RGS6: variants seen among roughly 807,000 people sequenced by gnomAD.
RGS6 encodes regulator of G protein signaling 6.
In RGS6, 30 loss-of-function variants were observed where a neutral mutation model predicts 78.5. The observed-to-expected ratio is 0.38, with a 90% CI of 0.29 to 0.52. The LOEUF (loss-of-function observed/expected upper bound fraction) is 0.52, where lower values mean the gene tolerates loss of function less well. Among genes scored for constraint, RGS6 ranks in the 20% least tolerant of loss-of-function variants. The probability of loss-of-function intolerance (pLI) is 0.85; values close to 1 mark genes in which losing one functional copy is unlikely to be tolerated. For synonymous variants in RGS6, 206 were observed against 206.0 expected (o/e 1.00, Z 0.00); for missense variants, 495 against 609.7 (o/e 0.81, Z 1.98).
At chr14:72,275,513 T>G (rs2060536575) in intron 2 of RGS6, among the ~76,000 whole-genome samples, 1 of 152,214 alleles carries the variant, frequency 6.6e-6, no homozygotes, top group African/African-American at 2.4e-5. Context: ...ATTCAAAAGC[T>G]TACAACCTGG....
At chr14:72,264,911 C>G (rs1356815116) in intron 2 of RGS6, among the ~76,000 whole-genome samples, 3 of 152,154 alleles carry the variant, frequency 2.0e-5, no homozygotes, top group Non-Finnish European at 4.4e-5. Flanking sequence ...AGGAACCTCT[C>G]GGTACCACGT....
chr14:72,594,640 T>C, the RGS6 span: 1 of 152,342 alleles, frequency 6.6e-6, no homozygotes, highest in East Asian at 1.9e-4. Flanking sequence ...CATCTTTCAC[T>C]GGCTGTGCGA....
intron 2 of RGS6, among the ~76,000 whole-genome samples, chr14:72,130,730 A>G (rs771619678): frequency 1.3e-5 from 2 of 152,236 alleles, no homozygotes; most frequent in Non-Finnish European, 2.9e-5. Flanking sequence ...GAAATTTTAC[A>G]AAGGACTGTT....
the RGS6 span, among the ~76,000 whole-genome samples, chr14:71,867,644 C>T: frequency 6.6e-6 from 1 of 152,232 alleles, no homozygotes; most frequent in East Asian, 1.9e-4. Context: ...ATTTCAACTG[C>T]TGGTTGGGGC....
At chr14:72,183,474 G>A (rs983244338) in intron 2 of RGS6, among the ~76,000 whole-genome samples, 37 of 152,144 alleles carry the variant, frequency 2.4e-4, no homozygotes, top group African/African-American at 8.4e-4. Flanking sequence ...ATAATTGCAG[G>A]TAGAGTTTTA....
intron 2 of RGS6, among the ~76,000 whole-genome samples, chr14:72,198,543 A>G (rs1385669350): frequency 6.6e-6 from 1 of 152,202 alleles, no homozygotes. Context: ...TTAGAGTAAG[A>G]CACTGTATTT....
intron 2 of RGS6, among the ~76,000 whole-genome samples, chr14:72,092,347 T>C (rs1021150643): frequency 6.6e-6 from 1 of 152,142 alleles, no homozygotes; most frequent in East Asian, 1.9e-4. Flanking sequence ...GGATGTTTTG[T>C]CATTTATTTA....
chr14:72,201,035 T>C (rs989594070), intron 2 of RGS6, among the ~76,000 whole-genome samples: 1 of 151,528 alleles, frequency 6.6e-6, no homozygotes, highest in African/African-American at 2.4e-5. Context: ...ACAGCCTTCT[T>C]AGCCAGCCTG....
At position 72,451,877 on chromosome 14, in the gene RGS6, C is replaced by A. The variant is rs556837821; in HGVS notation, c.185-2651C>A. Among the ~76,000 whole-genome samples, 4 of 152,218 alleles carry A rather than the reference C, an allele frequency of 2.6e-5. No homozygotes were observed. In the East Asian group the frequency reaches 7.7e-4, roughly 29 times the overall value. On this transcript the variant is annotated intron_variant, in intron 3 of 17. Transcript: ENST00000553525. ...AAGCAATTCCCCTGCCTGAGCCTCC[C>A]GAGTAGCTGGGACTCAGGCATGTGG...
intron 2 of RGS6, among the ~76,000 whole-genome samples, chr14:72,198,411 T>C (rs960443357): frequency 1.3e-5 from 2 of 152,216 alleles, no homozygotes; most frequent in African/African-American, 4.8e-5. Flanking sequence ...TAAGCAGACA[T>C]TCAAATAAAT....
chr14:72,498,066 C>T (rs80187671), intron 13 of RGS6, among the ~76,000 whole-genome samples: 2,137 of 152,172 alleles, frequency 0.014, 49 homozygotes, highest in African/African-American at 0.049. Context: ...TGATTTTATA[C>T]TTTAGAGAGT....
In RGS6 at chr14:72,021,216, T is replaced by C. The variant is rs568265183; in HGVS notation, c.84+56341T>C. 9.5e-4 allele frequency among the ~76,000 whole-genome samples: 144 copies of C among 152,290 alleles called. 1 individual carries two copies. The highest frequency in any genetic ancestry group is 1.7e-3 in the Admixed American group (26 of 15,306). On this transcript the variant is annotated intron_variant, in intron 2 of 17. Coordinates refer to ENST00000553525, the MANE Select transcript of RGS6 (RefSeq NM_001204424.2). Reference sequence around the variant, plus strand: ...AAATAGAAGTGACAGCAAAATCTTCTTTCCCACAGCCGTTGTGGATAGGAA... The same window carrying C: ...AAATAGAAGTGACAGCAAAATCTTCCTTCCCACAGCCGTTGTGGATAGGAA...
In RGS6 at chr14:72,562,697, CCT is replaced by C. The variant is rs1385133856; in HGVS notation, c.*235_*236del. 5 of 1,536,054 alleles carry C rather than the reference CCT, an allele frequency of 3.3e-6. No homozygotes were observed. The African/African-American group carries it at 6.8e-5, about 21-fold the overall frequency. Reference sequence around the variant, plus strand: ...CCCGGTGGAGGCTCCTGTTTACAGCCCTCTCTTCTTTGTACAGTTGTATTCCA... The same window carrying C: ...CCCGGTGGAGGCTCCTGTTTACAGCCCTCTTCTTTGTACAGTTGTATTCCA... On this transcript the variant is annotated 3_prime_UTR_variant, in exon 18 of 18. Coordinates refer to ENST00000553525, the MANE Select transcript of RGS6 (RefSeq NM_001204424.2).
At chr14:72,374,071 C>T (rs570307314) in intron 3 of RGS6, among the ~76,000 whole-genome samples, 1 of 152,202 alleles carries the variant, frequency 6.6e-6, no homozygotes, top group East Asian at 1.9e-4. Context: ...TGAAACTGAA[C>T]ACCAACTGTA....
chr14:72,548,917 G>A (rs977721065), intron 17 of RGS6, among the ~76,000 whole-genome samples: 4 of 152,248 alleles, frequency 2.6e-5, no homozygotes, highest in African/African-American at 9.6e-5. Flanking sequence ...TAGCCGTTTA[G>A]AAGCTGAATG....
At chr14:71,917,409 G>T in the RGS6 span, among the ~76,000 whole-genome samples, 1 of 152,142 alleles carries the variant, frequency 6.6e-6, no homozygotes, top group African/African-American at 2.4e-5. Context: ...GTTGGGTAGG[G>T]AAAAGGTTTT....
intron 2 of RGS6, among the ~76,000 whole-genome samples, chr14:72,028,414 T>C (rs1257861272): frequency 6.6e-6 from 1 of 152,216 alleles, no homozygotes; most frequent in Non-Finnish European, 1.5e-5. Context: ...CCTTCCTCCT[T>C]CTTAGCTAAT....
chr14:72,554,214 C>T (rs1274919777), intron 17 of RGS6, among the ~76,000 whole-genome samples: 1 of 152,232 alleles, frequency 6.6e-6, no homozygotes, highest in Non-Finnish European at 1.5e-5. Flanking sequence ...CTAGGCTCCG[C>T]CTTTTCAGCT....
At chr14:72,277,545 C>T (rs1321932450) in intron 2 of RGS6, among the ~76,000 whole-genome samples, 4 of 151,668 alleles carry the variant, frequency 2.6e-5, no homozygotes, top group African/African-American at 7.3e-5. Context: ...TGCAGTGAGC[C>T]GAGATAGCAC....
Sources: gnomAD v4.1 joint callset for allele counts (sites outside exome capture counted in the v4.1 genomes callset) on GRCh38, gnomAD v4.1.1 for gene constraint, MANE v1.5 for transcripts, NCBI Gene and HGNC (gene_info 2026-07-23, HGNC 2026-07-21) for gene names.